The following RFX4 variants were observed in gnomAD, a reference collection of about 807,000 sequenced individuals.
The protein encoded by RFX4 is regulatory factor X4.
In RFX4, 10 loss-of-function variants were observed where a neutral mutation model predicts 95.0. That is an observed-to-expected ratio of 0.11 (90% CI 0.06 to 0.18). The LOEUF is 0.18. Ranked by LOEUF, RFX4 falls within the 10% of genes least tolerant of loss-of-function variation. The probability of loss-of-function intolerance (pLI) is 1.00; values close to 1 mark genes in which losing one functional copy is unlikely to be tolerated. For synonymous variants in RFX4, 321 were observed against 340.7 expected (o/e 0.94, Z 0.64); for missense variants, 640 against 922.0 (o/e 0.69, Z 3.96).
At chr12:106,590,438 A>G (rs2039523006) in intron 1 of RFX4, among the ~76,000 whole-genome samples, 1 of 152,192 alleles carries the variant, frequency 6.6e-6, no homozygotes, top group Non-Finnish European at 1.5e-5. Context: ...AGAGAAACCA[A>G]CAAGTTAAAG....
At chr12:106,656,704 C>A (rs948293292) in intron 4 of RFX4, among the ~76,000 whole-genome samples, 1 of 152,090 alleles carries the variant, frequency 6.6e-6, no homozygotes, top group African/African-American at 2.4e-5. Context: ...ATTCTCCTCT[C>A]CCCTTCCTCC....
At chr12:106,651,328 C>A (rs559173918) in intron 3 of RFX4, among the ~76,000 whole-genome samples, 1 of 152,304 alleles carries the variant, frequency 6.6e-6, no homozygotes, top group African/African-American at 2.4e-5. Flanking sequence ...CCCTCTGAGC[C>A]TCAGATTCCT....
intron 1 of RFX4, among the ~76,000 whole-genome samples, chr12:106,588,734 C>G (rs548360475): frequency 2.0e-5 from 3 of 152,176 alleles, no homozygotes; most frequent in South Asian, 2.1e-4. Flanking sequence ...TGCCTGTGTC[C>G]GCGTTTGTGT....
At chr12:106,599,589 T>A (rs2039670273) in intron 1 of RFX4, among the ~76,000 whole-genome samples, 1 of 152,110 alleles carries the variant, frequency 6.6e-6, no homozygotes, top group Non-Finnish European at 1.5e-5. Context: ...TGTGTCCTAT[T>A]GTGATTGAGA....
At chr12:106,677,088 T>A (rs571853205) in intron 4 of RFX4, among the ~76,000 whole-genome samples, 39 of 152,294 alleles carry the variant, frequency 2.6e-4, no homozygotes, top group African/African-American at 8.9e-4. Context: ...ATTGTTGTGA[T>A]GATTAACTGA....
At chr12:106,648,626 GTT>G (rs59743543) in intron 3 of RFX4, among the ~76,000 whole-genome samples, 16 of 124,888 alleles carry the variant, frequency 1.3e-4, no homozygotes, top group East Asian at 2.3e-4. Flanking sequence ...ATCCTGTGGG[GTT>G]TTTTTTTTTT....
chr12:106,614,184 G>A (rs11503475), intron 2 of RFX4, among the ~76,000 whole-genome samples: 4,751 of 149,004 alleles, frequency 0.032, 181 homozygotes, highest in African/African-American at 0.093. Context: ...TTTTTGAGTC[G>A]GAGTCTCACT....
intron 17 of RFX4, among the ~76,000 whole-genome samples, chr12:106,759,662 A>G (rs1403824795): frequency 1.3e-5 from 2 of 152,020 alleles, no homozygotes; most frequent in Non-Finnish European, 2.9e-5. Context: ...AGTGTTTCTG[A>G]TCTGATTTGG....
intron 8 of RFX4, among the ~76,000 whole-genome samples, chr12:106,700,758 C>T (rs1271424796): frequency 1.3e-5 from 2 of 152,184 alleles, no homozygotes; most frequent in Non-Finnish European, 2.9e-5. Flanking sequence ...TATACTGCTT[C>T]ACATGTAGTG....
intron 3 of RFX4, among the ~76,000 whole-genome samples, chr12:106,647,540 C>T (rs1041464915): frequency 3.9e-5 from 6 of 152,116 alleles, no homozygotes; most frequent in African/African-American, 1.4e-4. Flanking sequence ...ATCCCTTGAC[C>T]TGTGCAAAAG....
chr12:106,717,427 A>C (rs1255806542), intron 11 of RFX4, among the ~76,000 whole-genome samples: 1 of 152,238 alleles, frequency 6.6e-6, no homozygotes, highest in Non-Finnish European at 1.5e-5. Flanking sequence ...TTGCTGGAGC[A>C]CCATGGAGGT....
chr12:106,747,231 G>C (rs1029498677), intron 15 of RFX4, among the ~76,000 whole-genome samples: 4 of 152,116 alleles, frequency 2.6e-5, no homozygotes, highest in Middle Eastern at 3.2e-3. Flanking sequence ...TGGTACTCTG[G>C]AGACAATGAA....
intron 11 of RFX4, among the ~76,000 whole-genome samples, chr12:106,718,573 T>C (rs180967009): frequency 8.6e-4 from 131 of 152,368 alleles, no homozygotes; most frequent in Middle Eastern, 3.4e-3. Context: ...TATGACCCTC[T>C]GGTCTCAGAA....
At chr12:106,648,239 C>A (rs1055533184) in intron 3 of RFX4, among the ~76,000 whole-genome samples, 1 of 152,198 alleles carries the variant, frequency 6.6e-6, no homozygotes, top group South Asian at 2.1e-4. Context: ...GCGTGGAACA[C>A]GGTGGAGGAG....
intron 8 of RFX4, among the ~76,000 whole-genome samples, chr12:106,702,771 G>T (rs1455825960): frequency 6.6e-6 from 1 of 151,996 alleles, no homozygotes; most frequent in African/African-American, 2.4e-5. Flanking sequence ...CTATTCCCTG[G>T]GGTCAACAGT....
At chr12:106,689,523 G>T (rs982522448) in intron 7 of RFX4, among the ~76,000 whole-genome samples, 159 bp downstream of exon 7, 7 of 152,140 alleles carry the variant, frequency 4.6e-5, no homozygotes, top group Admixed American at 3.9e-4. Context: ...CCATGAAGCA[G>T]GTACGATTAT....
chr12:106,732,212 T>C lies in RFX4; in HGVS notation c.1434T>C (p.Asn478=). 1 of 1,614,024 alleles carries C rather than the reference T, an allele frequency of 6.2e-7. No individual in the cohort carries two copies. Among genetic ancestry groups the C allele is most frequent in the Non-Finnish European group, 8.5e-7 (1 of 1,179,940 alleles). The stretch of plus-strand genomic sequence containing the variant: ...CTCTGCACTGTCAGGAGCGGGCCAA[T>C]GAGCTCATGCGAGCCATGAAGGGAG... ...LESLHCQERA[N]ELMRAMKGEG... is the part of the protein sequence containing the mutation. The change falls in exon 14 of 18, where the codon AAT becomes AAC. Residue 478 remains asparagine (N), a synonymous_variant. Transcript: ENST00000392842.
chr12:106,627,862 GTAGGCCAAATGCCCTGCCA>G (rs779202076), intron 2 of RFX4, among the ~76,000 whole-genome samples: 13 of 152,346 alleles, frequency 8.5e-5, no homozygotes, highest in Non-Finnish European at 1.9e-4. Context: ...CCACTGAGAT[GTAGGCCAAATGCCCTGCCA>G]ATAGCAGAAA....
intron 7 of RFX4, 101 bp from the exon 8 acceptor site, chr12:106,696,182 A>G (rs1038770674): frequency 1.5e-6 from 2 of 1,351,588 alleles, no homozygotes; most frequent in African/African-American, 2.9e-5. Flanking sequence ...GGGGAAGTAG[A>G]TGACAGCATT....
Sources: gnomAD v4.1 joint callset for allele counts (sites outside exome capture counted in the v4.1 genomes callset) on GRCh38, gnomAD v4.1.1 for gene constraint, MANE v1.5 for transcripts, NCBI Gene and HGNC (gene_info 2026-07-23, HGNC 2026-07-21) for gene names.